Variants in BAZ2B observed in about 807,000 individuals in gnomAD.
The protein encoded by BAZ2B is bromodomain adjacent to zinc finger domain protein 2B.
A neutral mutation model predicts 246.0 loss-of-function variants in BAZ2B; 91 were observed. The observed-to-expected ratio is 0.37, with a 90% CI of 0.31 to 0.44. The LOEUF is 0.44. Ranked by LOEUF, BAZ2B falls within the 20% of genes least tolerant of loss-of-function variation. BAZ2B has a pLI of 1.00. For synonymous variants in BAZ2B, 855 were observed against 860.0 expected (o/e 0.99, Z 0.10); for missense variants, 2,332 against 2,533.7 (o/e 0.92, Z 1.71).
At chr2:159,537,005 G>C (rs10186757) in intron 2 of BAZ2B, among the ~76,000 whole-genome samples, 4,741 of 152,214 alleles carry the variant, frequency 0.031, 252 homozygotes, top group African/African-American at 0.11. Context: ...AGCAACCCAA[G>C]AGTCCATCCA....
At chr2:159,371,739 C>G (rs141266780) in intron 27 of BAZ2B, among the ~76,000 whole-genome samples, 102 of 152,304 alleles carry the variant, frequency 6.7e-4, no homozygotes, top group Non-Finnish European at 9.8e-4. Context: ...CAAGAGCTCA[C>G]AGTCTAGTGG....
chr2:159,663,850 ATTTTCTTTTTTTT>A, the BAZ2B span, among the ~76,000 whole-genome samples: 2 of 62,798 alleles, frequency 3.2e-5, no homozygotes, highest in African/African-American at 6.0e-5. Flanking sequence ...CTGTCAAACC[ATTTTCTTTTTTTT>A]TTTTTTTTTT....
At chr2:159,575,749 C>T (rs1027864340) in intron 1 of BAZ2B, among the ~76,000 whole-genome samples, 1 of 152,018 alleles carries the variant, frequency 6.6e-6, no homozygotes, top group Non-Finnish European at 1.5e-5. Context: ...TATATGTACT[C>T]CATTAACATG....
intron 2 of BAZ2B, among the ~76,000 whole-genome samples, chr2:159,524,103 C>A (rs1389935131): frequency 6.6e-6 from 1 of 152,062 alleles, no homozygotes; most frequent in Non-Finnish European, 1.5e-5. Flanking sequence ...GGCCTTTCTT[C>A]AAATAAAATA....
intron 2 of BAZ2B, among the ~76,000 whole-genome samples, chr2:159,496,570 G>A (rs1296610224): frequency 6.7e-6 from 1 of 149,276 alleles, no homozygotes; most frequent in Non-Finnish European, 1.5e-5. Flanking sequence ...ATCACCTGAG[G>A]TCGGGAGTTC....
At chr2:159,423,704 T>C (rs2069211965) in intron 13 of BAZ2B, among the ~76,000 whole-genome samples, 1 of 152,246 alleles carries the variant, frequency 6.6e-6, no homozygotes, top group African/African-American at 2.4e-5. Context: ...AATGATATCT[T>C]ATCCTTTGTA....
chr2:159,566,468 G>C (rs914055453), intron 1 of BAZ2B, among the ~76,000 whole-genome samples: 2 of 152,168 alleles, frequency 1.3e-5, no homozygotes, highest in African/African-American at 4.8e-5. Flanking sequence ...AGCAATTTAA[G>C]AAAACATCTC....
chr2:159,412,739 CTTACT>C (rs2067020579), intron 13 of BAZ2B, among the ~76,000 whole-genome samples, 194 bp from the exon 14 acceptor site: 1 of 152,016 alleles, frequency 6.6e-6, no homozygotes, highest in African/African-American at 2.4e-5. Flanking sequence ...CTTTAATATT[CTTACT>C]TTAATGACTT....
At chr2:159,499,308 G>A (rs975617960) in intron 2 of BAZ2B, among the ~76,000 whole-genome samples, 11 of 152,022 alleles carry the variant, frequency 7.2e-5, no homozygotes, top group Non-Finnish European at 1.3e-4. Context: ...TAGAATGCTC[G>A]GGATAATGGC....
chr2:159,498,374 C>A (rs2081372438), intron 2 of BAZ2B, among the ~76,000 whole-genome samples: 1 of 152,186 alleles, frequency 6.6e-6, no homozygotes, highest in Non-Finnish European at 1.5e-5. Flanking sequence ...ATTTAGTTCA[C>A]AGGTAAACCT....
At chr2:159,496,751 C>T (rs2081202431) in intron 2 of BAZ2B, among the ~76,000 whole-genome samples, 1 of 135,538 alleles carries the variant, frequency 7.4e-6, no homozygotes. Flanking sequence ...CCATTGCACT[C>T]CAGCCTGGGC....
At chr2:159,481,056 A>G (rs1029444381) in intron 2 of BAZ2B, among the ~76,000 whole-genome samples, 25 of 113,576 alleles carry the variant, frequency 2.2e-4, no homozygotes, top group Non-Finnish European at 3.9e-4. Context: ...TTCATCTTAC[A>G]CATACCCTTT....
chr2:159,455,381 T>C (rs779562275), intron 3 of BAZ2B, among the ~76,000 whole-genome samples: 40 of 152,136 alleles, frequency 2.6e-4, no homozygotes, highest in Non-Finnish European at 4.9e-4. Context: ...AAGATCTGAA[T>C]GACTTTTAAA....
chr2:159,633,809 C>T, the BAZ2B span, among the ~76,000 whole-genome samples: 40 of 146,930 alleles, frequency 2.7e-4, no homozygotes, highest in African/African-American at 1.0e-3. Context: ...GGCACGATCT[C>T]GGCTCACTGC....
At chr2:159,598,473 T>A (rs1457556314) in intron 1 of BAZ2B, among the ~76,000 whole-genome samples, 1 of 152,248 alleles carries the variant, frequency 6.6e-6, no homozygotes, top group African/African-American at 2.4e-5. Flanking sequence ...ACTTATGTTT[T>A]ATGAGAAATC....
chr2:159,653,500 A>G, the BAZ2B span, among the ~76,000 whole-genome samples: 1 of 152,182 alleles, frequency 6.6e-6, no homozygotes, highest in Non-Finnish European at 1.5e-5. Flanking sequence ...CGTATAGTAT[A>G]GGTTTTGTGT....
intron 34 of BAZ2B, among the ~76,000 whole-genome samples, chr2:159,331,149 T>C (rs2064687501): frequency 6.6e-6 from 1 of 151,860 alleles, no homozygotes; most frequent in African/African-American, 2.4e-5. Context: ...GAGGCACAAG[T>C]GGGAAAATTT....
chr2:159,611,050 T>C (rs991238973), intron 1 of BAZ2B, among the ~76,000 whole-genome samples: 1 of 151,950 alleles, frequency 6.6e-6, no homozygotes, highest in African/African-American at 2.4e-5. Flanking sequence ...CAGTTGAAAA[T>C]GAATTAAATA....
chr2:159,436,738 G>A (rs1161687300), intron 8 of BAZ2B, among the ~76,000 whole-genome samples: 2 of 152,034 alleles, frequency 1.3e-5, no homozygotes, highest in African/African-American at 2.4e-5. Flanking sequence ...GCAACAGAGC[G>A]AGACTCTGTC....
Sources: allele counts gnomAD v4.1 joint callset (sites outside exome capture counted in the v4.1 genomes callset), GRCh38; gene constraint gnomAD v4.1.1; transcripts MANE v1.5; gene names NCBI Gene and HGNC (gene_info 2026-07-23, HGNC 2026-07-21).